GOLM2: variants seen among roughly 807,000 people sequenced by gnomAD.
GOLM2 encodes golgi membrane protein 2.
A neutral mutation model predicts 55.9 loss-of-function variants in GOLM2; 26 were observed. The observed-to-expected ratio is 0.47, with a 90% confidence interval of 0.34 to 0.65. The LOEUF is 0.65. GOLM2 is among the 30% of genes least tolerant of loss of function. GOLM2 has a pLI of 0.01. For missense variants in GOLM2, 486 were observed against 531.8 expected, an observed-to-expected ratio of 0.91 and a Z score of 0.85; for synonymous variants, 165 against 194.6, an observed-to-expected ratio of 0.85 and a Z score of 1.27.
At chr15:44,356,412 A>G (rs2079198672) in intron 6 of GOLM2, among the ~76,000 whole-genome samples, 1 of 152,196 alleles carries the variant, frequency 6.6e-6, no homozygotes, top group Non-Finnish European at 1.5e-5. Flanking sequence ...TACAGATCCC[A>G]TGGACATTAA....
At chr15:44,343,706 T>G (rs2079103617) in intron 6 of GOLM2, among the ~76,000 whole-genome samples, 1 of 151,660 alleles carries the variant, frequency 6.6e-6, no homozygotes, top group Non-Finnish European at 1.5e-5. Flanking sequence ...ACACCTGTAA[T>G]TCCAGCTACT....
intron 1 of GOLM2, among the ~76,000 whole-genome samples, chr15:44,317,677 G>A (rs900364479): frequency 3.3e-5 from 5 of 152,054 alleles, no homozygotes; most frequent in Admixed American, 2.0e-4. Context: ...TCTGGTCGTC[G>A]CCCGAGCTCC....
At chr15:44,290,740 G>C (rs1048719098) in intron 1 of GOLM2, among the ~76,000 whole-genome samples, 2 of 152,164 alleles carry the variant, frequency 1.3e-5, no homozygotes, top group African/African-American at 4.8e-5. Context: ...GTCTCTTGTT[G>C]TAATTAATAC....
At chr15:44,410,582 T>G (rs1390477684) in intron 9 of GOLM2, among the ~76,000 whole-genome samples, 2 of 152,014 alleles carry the variant, frequency 1.3e-5, no homozygotes, top group Non-Finnish European at 2.9e-5. Context: ...TTATACTATT[T>G]AAAGATAGAT....
At chr15:44,369,097 A>G (rs1377043838) in intron 6 of GOLM2, among the ~76,000 whole-genome samples, 2 of 91,196 alleles carry the variant, frequency 2.2e-5, no homozygotes, top group South Asian at 3.6e-4. Flanking sequence ...ATATATATAT[A>G]TATATATATA....
intron 1 of GOLM2, among the ~76,000 whole-genome samples, chr15:44,295,917 TACACACACACAC>T (rs71421830): frequency 2.8e-5 from 4 of 143,062 alleles, no homozygotes; most frequent in African/African-American, 5.2e-5. Context: ...CCACCACACA[TACACACACACAC>T]ACACACACAC....
At chr15:44,290,041 A>G (rs2078709139) in intron 1 of GOLM2, among the ~76,000 whole-genome samples, 2 of 152,250 alleles carry the variant, frequency 1.3e-5, no homozygotes, top group Non-Finnish European at 2.9e-5. Context: ...AATTTTAAGC[A>G]GTGGAATGTC....
chr15:44,367,329 C>T (rs896364116), intron 6 of GOLM2, among the ~76,000 whole-genome samples: 1 of 151,812 alleles, frequency 6.6e-6, no homozygotes, highest in Non-Finnish European at 1.5e-5. Flanking sequence ...TTATCATTTC[C>T]CTTCAGCCTG....
At chr15:44,291,033 C>G (rs1026518908) in intron 1 of GOLM2, among the ~76,000 whole-genome samples, 4 of 151,478 alleles carry the variant, frequency 2.6e-5, no homozygotes, top group African/African-American at 4.8e-5. Context: ...GAACTACCAA[C>G]CTCAGGTGAT....
chr15:44,409,646 C>T (rs1486088248), intron 9 of GOLM2: 1 of 138,384 alleles, frequency 7.2e-6, no homozygotes, highest in Non-Finnish European at 1.5e-5. Flanking sequence ...CTGTGCCTCA[C>T]GCCTGTAATA....
intron 9 of GOLM2, among the ~76,000 whole-genome samples, chr15:44,410,103 G>A (rs1055989985): frequency 1.3e-5 from 2 of 151,938 alleles, no homozygotes; most frequent in Non-Finnish European, 2.9e-5. Flanking sequence ...GGATCCTAAG[G>A]AGAGCTTTCT....
At chr15:44,406,734 A>G (rs1202469940) in intron 9 of GOLM2, 1 of 152,178 alleles carries the variant, frequency 6.6e-6, no homozygotes, top group Non-Finnish European at 1.5e-5. Context: ...TGCTCAATCA[A>G]TAGGGGCTCT....
At chr15:44,342,920 A>G (rs528377023) in intron 6 of GOLM2, among the ~76,000 whole-genome samples, 1 of 152,312 alleles carries the variant, frequency 6.6e-6, no homozygotes, top group Admixed American at 6.5e-5. Context: ...TTATGTGACA[A>G]TTTTTTGCCC....
Position 44,311,245 on chromosome 15 carries a change from G to T in GOLM2, c.328-11720G>T, listed in dbSNP as rs556913959. 2.0e-5 allele frequency among the ~76,000 whole-genome samples: 3 copies of T among 152,246 alleles called. No homozygotes were observed. In the East Asian group the frequency reaches 5.8e-4, roughly 29 times the overall value. On this transcript the variant is annotated intron_variant, in intron 1 of 9. Coordinates refer to ENST00000299957, the MANE Select transcript of GOLM2 (RefSeq NM_138423.4). The stretch of plus-strand genomic sequence containing the variant: ...TATTTCTTACCTTAACTGAAAAAGA[G>T]AAAACTATTTTAGAGCTTAGTGGGG...
chr15:44,400,143 C>A (rs1334429626), intron 8 of GOLM2, among the ~76,000 whole-genome samples: 1 of 151,956 alleles, frequency 6.6e-6, no homozygotes, highest in African/African-American at 2.4e-5. Flanking sequence ...CCTACCTATT[C>A]TCTTGTATGT....
At chr15:44,391,671 A>C (rs563469863) in intron 8 of GOLM2, among the ~76,000 whole-genome samples, 1 of 152,314 alleles carries the variant, frequency 6.6e-6, no homozygotes, top group Admixed American at 6.5e-5. Flanking sequence ...TTATTAATTT[A>C]ATGCCAAAAC....
chr15:44,321,261 C>G (rs543927549), intron 1 of GOLM2, among the ~76,000 whole-genome samples: 1 of 151,852 alleles, frequency 6.6e-6, no homozygotes, highest in Non-Finnish European at 1.5e-5. Flanking sequence ...TGCTTAAGCC[C>G]GGGAGTTCAA....
At chr15:44,375,652 A>G (rs768491379) in intron 6 of GOLM2, among the ~76,000 whole-genome samples, 2 of 152,072 alleles carry the variant, frequency 1.3e-5, no homozygotes, top group Non-Finnish European at 1.5e-5. Context: ...GTAGTGTTGC[A>G]TGCCTGTAGT....
At chr15:44,388,412 A>G (rs1326544782) in intron 8 of GOLM2, among the ~76,000 whole-genome samples, 1 of 152,166 alleles carries the variant, frequency 6.6e-6, no homozygotes, top group African/African-American at 2.4e-5. Context: ...ACAGTGGCCC[A>G]TGCCTGTAAT....
Sources: gnomAD v4.1 joint callset for allele counts (sites outside exome capture counted in the v4.1 genomes callset) on GRCh38, gnomAD v4.1.1 for gene constraint, MANE v1.5 for transcripts, NCBI Gene and HGNC (gene_info 2026-07-23, HGNC 2026-07-21) for gene names.